The following METTL24 variants were observed in gnomAD, a reference collection of about 807,000 sequenced individuals.
METTL24 encodes the protein methyltransferase like 24.
In METTL24, 29 loss-of-function variants were observed where a neutral mutation model predicts 32.7. That is an observed-to-expected ratio of 0.89 (90% confidence interval 0.66 to 1.21). The LOEUF is 1.21. Ranked by LOEUF, METTL24 falls within the 50% of genes most tolerant of loss-of-function variation. The probability of loss-of-function intolerance (pLI) is 0.00; values close to 1 mark genes in which losing one functional copy is unlikely to be tolerated. For missense variants in METTL24, 439 were observed against 468.1 expected, an observed-to-expected ratio of 0.94 and a Z score of 0.57; for synonymous variants, 163 against 179.5, an observed-to-expected ratio of 0.91 and a Z score of 0.73.
At chr6:110,289,883 C>T (rs1475392309) in intron 4 of METTL24, among the ~76,000 whole-genome samples, 5 of 152,174 alleles carry the variant, frequency 3.3e-5, no homozygotes, top group Admixed American at 3.3e-4. Flanking sequence ...TCTACACACA[C>T]TCTTCTGCAA....
intron 1 of METTL24, among the ~76,000 whole-genome samples, chr6:110,356,665 G>A (rs2114784864): frequency 6.6e-6 from 1 of 152,230 alleles, no homozygotes; most frequent in Non-Finnish European, 1.5e-5. Flanking sequence ...ATGCCTACCT[G>A]GTAAGCCCTT....
chr6:110,253,907 C>T, intron 4 of METTL24: 1 of 1,469,112 alleles, frequency 6.8e-7, no homozygotes, highest in Non-Finnish European at 9.1e-7. Flanking sequence ...CTTTCAGAAT[C>T]TGAAGGAGGT....
At chr6:110,351,749 C>G (rs908229081) in intron 1 of METTL24, among the ~76,000 whole-genome samples, 2 of 152,172 alleles carry the variant, frequency 1.3e-5, no homozygotes, top group South Asian at 2.1e-4. Flanking sequence ...GCCGGCTGGT[C>G]CAGTGTGAAT....
In METTL24 at chr6:110,285,921, C is replaced by G. The variant is rs74949662; in HGVS notation, c.786+13001G>C. 6.8e-3 allele frequency among the ~76,000 whole-genome samples: 1,040 copies of G among 152,330 alleles called. 9 individuals carry two copies. Among genetic ancestry groups the G allele is most frequent in the African/African-American group, 0.024 (988 of 41,578 alleles). Reference sequence around the variant, plus strand: ...CCAGCTCCCTGGGGGCTGATTCCTTCCATATGTGAAATCTTCCTCTTTTGT... The same window carrying G: ...CCAGCTCCCTGGGGGCTGATTCCTTGCATATGTGAAATCTTCCTCTTTTGT... On this transcript the variant is annotated intron_variant, in intron 4 of 4. Transcript: ENST00000338882.
chr6:110,256,619 C>T (rs888759257), intron 4 of METTL24, among the ~76,000 whole-genome samples: 2 of 152,180 alleles, frequency 1.3e-5, no homozygotes, highest in Admixed American at 6.5e-5. Context: ...CACCCTCCCC[C>T]TGGCCTTCCA....
intron 1 of METTL24, among the ~76,000 whole-genome samples, chr6:110,348,038 C>T (rs1413702165): frequency 6.6e-6 from 1 of 152,146 alleles, no homozygotes; most frequent in Non-Finnish European, 1.5e-5. Context: ...GGGCTTTACC[C>T]ACCACAAGCA....
At chr6:110,348,818 C>A (rs1330746623) in intron 1 of METTL24, among the ~76,000 whole-genome samples, 4 of 152,198 alleles carry the variant, frequency 2.6e-5, no homozygotes, top group Non-Finnish European at 4.4e-5. Flanking sequence ...ATTCCACCCC[C>A]CTAGAGAAAA....
chr6:110,273,894 A>T (rs1770998749), intron 4 of METTL24, among the ~76,000 whole-genome samples: 1 of 152,250 alleles, frequency 6.6e-6, no homozygotes, highest in African/African-American at 2.4e-5. Context: ...AAGGAATAGA[A>T]GTTATTATAT....
chr6:110,322,161 GC>G (rs1473062308), intron 2 of METTL24, among the ~76,000 whole-genome samples: 2 of 152,142 alleles, frequency 1.3e-5, no homozygotes, highest in African/African-American at 4.8e-5. Context: ...CAGTCTCTTT[GC>G]CTGCTCGGGG....
intron 1 of METTL24, among the ~76,000 whole-genome samples, chr6:110,348,340 TA>T (rs1772522243): frequency 6.6e-6 from 1 of 152,238 alleles, no homozygotes; most frequent in Admixed American, 6.5e-5. Flanking sequence ...GAGCCCATCT[TA>T]TAGATGAAGC....
intron 3 of METTL24, among the ~76,000 whole-genome samples, chr6:110,300,103 C>G (rs1442408110): frequency 6.6e-6 from 1 of 152,120 alleles, no homozygotes; most frequent in Non-Finnish European, 1.5e-5. Context: ...ACAGTGAGCC[C>G]TCCATAGCTG....
intron 4 of METTL24, among the ~76,000 whole-genome samples, chr6:110,281,739 T>C (rs1210974236): frequency 6.6e-6 from 1 of 150,862 alleles, no homozygotes; most frequent in African/African-American, 2.4e-5. Context: ...AATTTGGTTA[T>C]CCAGTATATT....
At chr6:110,275,359 G>T (rs1008922299) in intron 4 of METTL24, among the ~76,000 whole-genome samples, 37 of 151,970 alleles carry the variant, frequency 2.4e-4, no homozygotes, top group African/African-American at 8.5e-4. Flanking sequence ...CAGCCATGCT[G>T]AGTTTTTTAC....
chr6:110,314,679 T>C lies in METTL24; in HGVS notation c.557+663A>G, dbSNP rs1023488029. On this transcript the variant is annotated intron_variant, in intron 3 of 4. Transcript: ENST00000338882. ...AACTGTACATAAAATTTCTAACATATGGCTGGGTGCAGTGGCTCACACCTG... is the reference window on the plus strand; with the variant it reads ...AACTGTACATAAAATTTCTAACATACGGCTGGGTGCAGTGGCTCACACCTG... Among the ~76,000 whole-genome samples the C allele has an allele frequency of 2.0e-5, 3 of 152,194 alleles. 1 individual carries two copies. The highest frequency in any genetic ancestry group is 1.3e-4 in the Admixed American group (2 of 15,280).
intron 4 of METTL24, among the ~76,000 whole-genome samples, chr6:110,264,030 C>G (rs1418091946): frequency 1.3e-5 from 2 of 152,020 alleles, no homozygotes. Context: ...AGAAGAAAAC[C>G]TAGGCAATAC....
intron 4 of METTL24, among the ~76,000 whole-genome samples, chr6:110,269,738 C>T (rs1770920908): frequency 1.3e-5 from 2 of 152,002 alleles, no homozygotes; most frequent in African/African-American, 4.8e-5. Flanking sequence ...AGAAAGATTG[C>T]AAATTCAAAG....
intron 4 of METTL24, among the ~76,000 whole-genome samples, chr6:110,276,271 CA>C (rs1428383876): frequency 1.3e-5 from 2 of 151,520 alleles, no homozygotes; most frequent in African/African-American, 2.4e-5. Context: ...TCATCTCTAC[CA>C]AAAAAAATTA....
intron 1 of METTL24, among the ~76,000 whole-genome samples, chr6:110,344,095 C>G (rs916726221): frequency 2.6e-5 from 4 of 152,166 alleles, no homozygotes; most frequent in Non-Finnish European, 5.9e-5. Context: ...ATCTGCCCAA[C>G]AATGCAACGG....
intron 1 of METTL24, among the ~76,000 whole-genome samples, chr6:110,342,482 C>A (rs1003666494): frequency 5.9e-5 from 9 of 152,192 alleles, no homozygotes; most frequent in Non-Finnish European, 1.2e-4. Flanking sequence ...TTTATCTGAA[C>A]AGAGAATATC....
Sources: allele counts gnomAD v4.1 joint callset (sites outside exome capture counted in the v4.1 genomes callset), GRCh38; gene constraint gnomAD v4.1.1; transcripts MANE v1.5; gene names NCBI Gene and HGNC (gene_info 2026-07-23, HGNC 2026-07-21).